The following ZDHHC21 variants were observed in gnomAD, a reference collection of about 807,000 sequenced individuals.
The protein encoded by ZDHHC21 is palmitoyltransferase ZDHHC21.
ZDHHC21 carries 15 observed loss-of-function variants against 34.6 expected under a neutral mutation model. That is an observed-to-expected ratio of 0.43 (90% confidence interval 0.29 to 0.67). The LOEUF is 0.67. ZDHHC21 is among the 30% of genes least tolerant of loss of function. The pLI is 0.14. For missense variants in ZDHHC21, 344 were observed against 327.7 expected (o/e 1.05, Z -0.38); for synonymous variants, 142 against 101.8 (o/e 1.40, Z -2.38).
At chr9:14,677,977 C>G (rs1342048274) in intron 3 of ZDHHC21, among the ~76,000 whole-genome samples, 2 of 152,078 alleles carry the variant, frequency 1.3e-5, no homozygotes, top group Non-Finnish European at 2.9e-5. Context: ...ACACGTATGT[C>G]TATGCTTACA....
intron 3 of ZDHHC21, among the ~76,000 whole-genome samples, chr9:14,676,146 T>G (rs1210724288): frequency 1.3e-5 from 2 of 151,960 alleles, no homozygotes; most frequent in Non-Finnish European, 2.9e-5. Flanking sequence ...ATGATAAAAT[T>G]AAAGACAGAG....
At chr9:14,603,276 T>C in the ZDHHC21 span, among the ~76,000 whole-genome samples, 2 of 152,232 alleles carry the variant, frequency 1.3e-5, no homozygotes, top group South Asian at 4.1e-4. Flanking sequence ...AAAAGTATGA[T>C]AGGAAATAAA....
In ZDHHC21 at chr9:14,655,884, G is replaced by C. The variant is rs191690635; in HGVS notation, c.504+2865C>G. Among the ~76,000 whole-genome samples, 918 of 151,766 alleles carry C rather than the reference G, an allele frequency of 6.0e-3. 15 individuals are homozygous for C. Among genetic ancestry groups the C allele is most frequent in the African/African-American group, 0.021 (866 of 41,490 alleles). On this transcript the variant is annotated intron_variant, in intron 7 of 9. Coordinates refer to ENST00000380916, the MANE Select transcript of ZDHHC21 (RefSeq NM_178566.6). ...ATAATTTTTTAATGAAATATCTGCT[G>C]TCTGTAAGGCACATTATGAGACACA...
Position 14,618,096 on chromosome 9 carries a change from T to G in ZDHHC21, c.*870A>C, listed in dbSNP as rs1231721084. 1.3e-5 allele frequency: 2 copies of G among 152,528 alleles called. No individual in the cohort carries two copies. The highest frequency in any genetic ancestry group is 6.6e-5 in the Admixed American group (1 of 15,250). The allele number at this position is 152,528 out of a possible 1,614,324, so 9.4% of individuals were successfully genotyped here. On this transcript the variant is annotated 3_prime_UTR_variant, in exon 10 of 10. Transcript: ENST00000380916. Reference sequence around the variant, plus strand: ...TACTAGCATTTTAAAAACATATGCATTCTAATATAACTGCACTAGAAAAGG... The same window carrying G: ...TACTAGCATTTTAAAAACATATGCAGTCTAATATAACTGCACTAGAAAAGG...
chr9:14,686,682 A>T (rs1327029249), intron 2 of ZDHHC21, among the ~76,000 whole-genome samples: 1 of 152,132 alleles, frequency 6.6e-6, no homozygotes, highest in Non-Finnish European at 1.5e-5. Context: ...ACAGAATTAC[A>T]AAGTTAAAGT....
At chr9:14,674,867 G>A (rs1479561642) in intron 3 of ZDHHC21, among the ~76,000 whole-genome samples, 2 of 151,986 alleles carry the variant, frequency 1.3e-5, no homozygotes, top group Non-Finnish European at 1.5e-5. Flanking sequence ...AGGAACATGA[G>A]AGAACGAGGG....
intron 8 of ZDHHC21, among the ~76,000 whole-genome samples, chr9:14,620,468 A>G (rs1374190850): frequency 6.6e-6 from 1 of 152,058 alleles, no homozygotes; most frequent in Non-Finnish European, 1.5e-5. Flanking sequence ...GAAACAGTGC[A>G]AAAGAGTACA....
intron 5 of ZDHHC21, among the ~76,000 whole-genome samples, chr9:14,664,782 AG>A (rs965658884): frequency 6.6e-6 from 1 of 151,676 alleles, no homozygotes; most frequent in African/African-American, 2.4e-5. Context: ...CCTGCAGCTG[AG>A]GGTCCTGTCT....
chr9:14,615,190 T>C lies in ZDHHC21; in HGVS notation c.*3776A>G, dbSNP rs1346429765. On this transcript the variant is annotated 3_prime_UTR_variant, in exon 10 of 10. Transcript: ENST00000380916. ...CACTTCCTGGTTTGAAGTGTTGTCC[T>C]AACTTAAGTCTTCATGATTAGCATT... The C allele has an allele frequency of 6.6e-6, 1 of 151,776 alleles. No homozygotes were observed. Among genetic ancestry groups the C allele is most frequent in the Non-Finnish European group, 1.5e-5 (1 of 67,716 alleles). 9.4% of individuals were successfully genotyped at this position (151,776 alleles called of 1,614,324 possible).
At chr9:14,599,839 G>C in the ZDHHC21 span, among the ~76,000 whole-genome samples, 3 of 152,094 alleles carry the variant, frequency 2.0e-5, no homozygotes, top group Non-Finnish European at 4.4e-5. Flanking sequence ...TGGGATGCAA[G>C]GCTGGTTCAA....
intron 2 of ZDHHC21, among the ~76,000 whole-genome samples, chr9:14,685,398 T>A (rs1263898155): frequency 6.6e-6 from 1 of 151,170 alleles, no homozygotes; most frequent in African/African-American, 2.4e-5. Flanking sequence ...GCAAAGGATA[T>A]GAACAGACAC....
intron 6 of ZDHHC21, among the ~76,000 whole-genome samples, chr9:14,659,345 C>A (rs780154447): frequency 3.9e-5 from 6 of 152,190 alleles, no homozygotes; most frequent in Non-Finnish European, 7.3e-5. Context: ...AAACATACCA[C>A]TCTGACATAA....
At chr9:14,654,664 T>C (rs183468923) in intron 7 of ZDHHC21, among the ~76,000 whole-genome samples, 10 of 152,040 alleles carry the variant, frequency 6.6e-5, no homozygotes, top group African/African-American at 2.4e-4. Flanking sequence ...AAATTATCAA[T>C]GAAAGAAAGT....
chr9:14,684,452 A>G, intron 2 of ZDHHC21, among the ~76,000 whole-genome samples: 1 of 145,374 alleles, frequency 6.9e-6, no homozygotes, highest in East Asian at 2.0e-4. Context: ...CCCATTCACA[A>G]TTGCCTCAAA....
intron 7 of ZDHHC21, among the ~76,000 whole-genome samples, chr9:14,641,017 C>A (rs915635354): frequency 6.6e-6 from 1 of 152,082 alleles, no homozygotes; most frequent in South Asian, 2.1e-4. Context: ...ATAAAAGCAC[C>A]AAGTGGATGG....
intron 8 of ZDHHC21, among the ~76,000 whole-genome samples, chr9:14,635,012 T>C (rs1409922207): frequency 1.3e-5 from 2 of 151,876 alleles, no homozygotes; most frequent in Non-Finnish European, 2.9e-5. Context: ...CCAAACAAAC[T>C]GAAGAATTCA....
chr9:14,616,045 A>C lies in ZDHHC21; in HGVS notation c.*2921T>G, dbSNP rs1264727728. On this transcript the variant is annotated 3_prime_UTR_variant, in exon 10 of 10. Transcript: ENST00000380916. ...TAAAAAAAAGAACAAAGAAAAGGAA[A>C]ATTATACAAAGAATCATTAATCTCT... 6.6e-6 allele frequency: 1 copy of C among 151,744 alleles called. No individual in the cohort carries two copies. 9.4% of individuals were successfully genotyped at this position (151,744 alleles called of 1,614,324 possible).
intron 8 of ZDHHC21, among the ~76,000 whole-genome samples, chr9:14,620,381 A>G (rs1013616421): frequency 5.9e-5 from 9 of 152,028 alleles, no homozygotes; most frequent in Non-Finnish European, 2.9e-5. Flanking sequence ...AAATTGTTAT[A>G]AGCAATAGCC....
the ZDHHC21 span, among the ~76,000 whole-genome samples, chr9:14,590,225 C>G: frequency 1.3e-5 from 2 of 151,858 alleles, no homozygotes; most frequent in Non-Finnish European, 2.9e-5. Context: ...GAACATGAAA[C>G]ATAGAAACTA....
Sources: allele counts gnomAD v4.1 joint callset (sites outside exome capture counted in the v4.1 genomes callset), GRCh38; gene constraint gnomAD v4.1.1; transcripts MANE v1.5; gene names NCBI Gene and HGNC (gene_info 2026-07-23, HGNC 2026-07-21).